OPCML: variants seen among roughly 807,000 people sequenced by gnomAD.
OPCML encodes opioid binding protein/cell adhesion molecule like, also known as opioid-binding protein/cell adhesion molecule.
A neutral mutation model predicts 37.8 loss-of-function variants in OPCML; 13 were observed. The ratio of observed to expected loss-of-function variants is 0.34; its 90% CI spans 0.22 to 0.55. OPCML has a LOEUF of 0.55. Ranked by LOEUF, OPCML falls within the 20% of genes least tolerant of loss-of-function variation. OPCML has a pLI of 0.91. For missense variants in OPCML, 341 were observed against 435.6 expected, an observed-to-expected ratio of 0.78 and a Z score of 1.93; for synonymous variants, 176 against 168.8, an observed-to-expected ratio of 1.04 and a Z score of -0.33.
chr11:132,851,097 AC>A (rs1941789144), intron 2 of OPCML, among the ~76,000 whole-genome samples: 1 of 152,218 alleles, frequency 6.6e-6, no homozygotes, highest in African/African-American at 2.4e-5. Context: ...AATATAGATA[AC>A]CAAGCACAGA....
intron 3 of OPCML, among the ~76,000 whole-genome samples, chr11:132,536,655 C>T (rs1413909027): frequency 1.3e-5 from 2 of 152,114 alleles, no homozygotes; most frequent in Admixed American, 1.3e-4. Context: ...ACCGAAAAGA[C>T]TTTTAAGGAT....
At chr11:132,670,712 T>C (rs1020336893) in intron 2 of OPCML, among the ~76,000 whole-genome samples, 3 of 152,216 alleles carry the variant, frequency 2.0e-5, no homozygotes, top group African/African-American at 7.2e-5. Flanking sequence ...CTATAGATTG[T>C]AGTGAATATC....
intron 1 of OPCML, among the ~76,000 whole-genome samples, chr11:132,961,036 GA>G (rs1946082120): frequency 6.6e-6 from 1 of 152,124 alleles, no homozygotes; most frequent in South Asian, 2.1e-4. Flanking sequence ...GCCGGATTCC[GA>G]AAAAGGGCAT....
chr11:132,542,379 C>G (rs12226528), intron 3 of OPCML, among the ~76,000 whole-genome samples: 28,147 of 152,168 alleles, frequency 0.18, 3,198 homozygotes, highest in Middle Eastern at 0.34. Flanking sequence ...GCATGTCCAT[C>G]TTGTCCCCCA....
intron 1 of OPCML, among the ~76,000 whole-genome samples, chr11:133,119,491 C>T (rs1383592009): frequency 6.6e-6 from 1 of 151,920 alleles, no homozygotes; most frequent in East Asian, 1.9e-4. Flanking sequence ...CAAAGGTTAC[C>T]AAGCGCTTCT....
At chr11:133,431,216 C>T (rs1015431557) in intron 1 of OPCML, among the ~76,000 whole-genome samples, 1 of 152,142 alleles carries the variant, frequency 6.6e-6, no homozygotes, top group East Asian at 1.9e-4. Flanking sequence ...TAAAATCATT[C>T]GCTAAATCCT....
At chr11:133,260,610 C>T (rs1941460323) in intron 1 of OPCML, among the ~76,000 whole-genome samples, 2 of 152,168 alleles carry the variant, frequency 1.3e-5, no homozygotes, top group South Asian at 2.1e-4. Context: ...ACCTGGCAGG[C>T]TTTGGATTTG....
intron 7 of OPCML, among the ~76,000 whole-genome samples, chr11:132,420,806 C>T (rs1027038359): frequency 1.3e-5 from 2 of 152,100 alleles, no homozygotes; most frequent in Non-Finnish European, 2.9e-5. Context: ...TGTGGAGGCT[C>T]CTCCTGCAGC....
rs71477791 is a variant in OPCML at position 133,377,612 on chromosome 11, G to GAAAAAAAAAAA, written c.61+154641_61+154651dup. Among the ~76,000 whole-genome samples, 17 of 79,072 alleles carry GAAAAAAAAAAA rather than the reference G, an allele frequency of 2.1e-4. 1 individual carries two copies. The highest frequency in any genetic ancestry group is 5.0e-4 in the South Asian group (1 of 2,006). The allele number at this position is 79,072 out of a possible 152,430, so 51.9% of individuals were successfully genotyped here. A position where few individuals can be genotyped will look rare whatever the true frequency, so the allele number is the denominator to read the frequency against. On this transcript the variant is annotated intron_variant, in intron 1 of 7. Coordinates refer to ENST00000524381, the MANE Select transcript of OPCML (RefSeq NM_001012393.5). ...GCTCTCTCTGACGTGCCAGTATTCA[G>GAAAAAAAAAAA]AAAAAAAAAAAAAAAGAGCACCAAG...
chr11:132,538,861 A>G (rs955335139), intron 3 of OPCML, among the ~76,000 whole-genome samples: 3 of 152,058 alleles, frequency 2.0e-5, no homozygotes, highest in South Asian at 4.1e-4. Context: ...ACACTTTTGC[A>G]TGTGCTGTTC....
intron 2 of OPCML, among the ~76,000 whole-genome samples, chr11:132,683,347 C>A (rs1056815626): frequency 6.6e-6 from 1 of 152,122 alleles, no homozygotes; most frequent in African/African-American, 2.4e-5. Context: ...TGCACTCCAG[C>A]CTGGGTGAGA....
intron 4 of OPCML, among the ~76,000 whole-genome samples, chr11:132,446,840 G>A (rs931678004): frequency 3.3e-5 from 5 of 152,138 alleles, no homozygotes; most frequent in African/African-American, 1.2e-4. Flanking sequence ...CATTTACAAT[G>A]TCTAAAGAAA....
intron 1 of OPCML, among the ~76,000 whole-genome samples, chr11:133,344,557 A>G (rs889207210): frequency 1.3e-4 from 19 of 151,410 alleles, no homozygotes; most frequent in Non-Finnish European, 2.5e-4. Flanking sequence ...ACTGCTGCTC[A>G]CTCTTCTTCC....
chr11:133,524,130 T>C lies in OPCML; in HGVS notation c.61+8134A>G, dbSNP rs80159707. On this transcript the variant is annotated intron_variant, in intron 1 of 7. Coordinates refer to ENST00000524381, the MANE Select transcript of OPCML (RefSeq NM_001012393.5). ...TATTTGTCACATAGTAATCACTCAA[T>C]AAATCACATGTTGAATAAATAAATG... Among the ~76,000 whole-genome samples, 25 of 152,322 alleles carry C rather than the reference T, an allele frequency of 1.6e-4. 1 individual carries two copies. The East Asian group carries it at 4.6e-3, about 28-fold the overall frequency.
intron 1 of OPCML, among the ~76,000 whole-genome samples, chr11:133,051,554 T>C (rs1444964265): frequency 6.6e-6 from 1 of 152,130 alleles, no homozygotes; most frequent in African/African-American, 2.4e-5. Flanking sequence ...CCCTCTACCA[T>C]TCTCACTTGC....
At chr11:133,007,299 G>A (rs1947131634) in intron 1 of OPCML, 2 of 985,430 alleles carry the variant, frequency 2.0e-6, no homozygotes, top group Non-Finnish European at 2.4e-6. Context: ...GCAGGATACA[G>A]CTCCATCTAT....
At chr11:132,829,973 A>T (rs1940589919) in intron 2 of OPCML, among the ~76,000 whole-genome samples, 1 of 152,180 alleles carries the variant, frequency 6.6e-6, no homozygotes. Context: ...CCCACACATT[A>T]TAGGCAGAGA....
At chr11:132,720,291 C>G (rs1944632844) in intron 2 of OPCML, among the ~76,000 whole-genome samples, 1 of 152,206 alleles carries the variant, frequency 6.6e-6, no homozygotes, top group African/African-American at 2.4e-5. Flanking sequence ...GCCTGCCGGC[C>G]AAGACCTGGC....
chr11:132,825,145 T>C (rs1591660199), intron 2 of OPCML, among the ~76,000 whole-genome samples: 1 of 152,248 alleles, frequency 6.6e-6, no homozygotes, highest in Non-Finnish European at 1.5e-5. Context: ...AACCTCATGA[T>C]GGTAGTCACC....
Sources: allele counts gnomAD v4.1 joint callset (sites outside exome capture counted in the v4.1 genomes callset), GRCh38; gene constraint gnomAD v4.1.1; transcripts MANE v1.5; gene names NCBI Gene and HGNC (gene_info 2026-07-23, HGNC 2026-07-21).